Variants in PDE4C observed in about 807,000 individuals in gnomAD.
PDE4C encodes the protein phosphodiesterase 4C, also known as 3',5'-cyclic-AMP phosphodiesterase 4C.
Under a neutral mutation model 63.9 loss-of-function variants are expected in PDE4C, and 50 were observed. The observed-to-expected ratio is 0.78, with a 90% confidence interval of 0.62 to 0.99. The LOEUF (loss-of-function observed/expected upper bound fraction) is 0.99. PDE4C is among the 50% of genes least tolerant of loss of function. The probability of loss-of-function intolerance (pLI) is 0.00; values close to 1 mark genes in which losing one functional copy is unlikely to be tolerated. For missense variants in PDE4C, 777 were observed against 899.1 expected (o/e 0.86, Z 1.74); for synonymous variants, 377 against 385.1 (o/e 0.98, Z 0.25).
At chr19:18,245,571 C>T (rs1969115142) in intron 1 of PDE4C, among the ~76,000 whole-genome samples, 1 of 152,234 alleles carries the variant, frequency 6.6e-6, no homozygotes, top group African/African-American at 2.4e-5. Context: ...TGTTTCCATC[C>T]ATACTTCAGC....
downstream of PDE4C, chr19:18,209,066 A>G (rs2147993128): frequency 6.6e-6 from 1 of 152,252 alleles, no homozygotes; most frequent in East Asian, 1.9e-4. Flanking sequence ...CATAGGTTCA[A>G]TCAGTCTTCA....
At chr19:18,240,436 A>T (rs995162007) in intron 1 of PDE4C, among the ~76,000 whole-genome samples, 67 of 150,164 alleles carry the variant, frequency 4.5e-4, no homozygotes, top group African/African-American at 1.6e-3. Flanking sequence ...AAAAAAAAAA[A>T]AAAAAACGGG....
At chr19:18,227,118 C>T (rs1968755403), upstream of PDE4C, among the ~76,000 whole-genome samples, 1 of 152,126 alleles carries the variant, frequency 6.6e-6, no homozygotes. Context: ...TGCCAATGTC[C>T]GATCCCACGC....
At chr19:18,242,262 GGTCA>G (rs1213518060) in intron 1 of PDE4C, among the ~76,000 whole-genome samples, 1 of 151,858 alleles carries the variant, frequency 6.6e-6, no homozygotes, top group Non-Finnish European at 1.5e-5. Flanking sequence ...GATCACCTGA[GGTCA>G]GTAATTCAAG....
chr19:18,230,598 C>T (rs369004016), upstream of PDE4C, among the ~76,000 whole-genome samples: 93 of 152,294 alleles, frequency 6.1e-4, 1 homozygote, highest in African/African-American at 2.2e-3. Flanking sequence ...TCCTCACATG[C>T]CTGATCCTCT....
chr19:18,251,139 C>A (rs979544968), upstream of PDE4C, among the ~76,000 whole-genome samples: 1 of 148,896 alleles, frequency 6.7e-6, no homozygotes, highest in African/African-American at 2.5e-5. Context: ...TTTTTTTTCC[C>A]CCCCGAGATG....
At chr19:18,239,855 G>A (rs747435534) in intron 1 of PDE4C, among the ~76,000 whole-genome samples, 1 of 151,948 alleles carries the variant, frequency 6.6e-6, no homozygotes, top group Non-Finnish European at 1.5e-5. Flanking sequence ...GCAAAACCCT[G>A]TCTCTACTAA....
upstream of PDE4C, chr19:18,252,493 G>A (rs544797889): frequency 1.3e-5 from 5 of 399,102 alleles, no homozygotes; most frequent in South Asian, 1.3e-4. Flanking sequence ...AACTGGGCGC[G>A]GTGGCTCACG....
chr19:18,222,061 G>A (rs1968504879), intron 2 of PDE4C, 71 bp downstream of exon 2: 4 of 1,344,244 alleles, frequency 3.0e-6, no homozygotes, highest in East Asian at 2.3e-5. Flanking sequence ...ATTTGAAGGA[G>A]CTTGCTGAAT....
Position 18,220,918 on chromosome 19 carries a change from C to G in PDE4C, c.455G>C (p.Gly152Ala), listed in dbSNP as rs138906054. The G allele has an allele frequency of 6.2e-7, 1 of 1,604,778 alleles. No individual in the cohort carries two copies. The highest frequency in any genetic ancestry group is 8.5e-7 in the Non-Finnish European group (1 of 1,176,958). Reference sequence around the variant, plus strand: ...GCTGGATGAAGGGTTTCCGACGGGTCCCTGCCTGCGGTACAGCAGCCTCAG... The same window carrying G: ...GCTGGATGAAGGGTTTCCGACGGGTGCCTGCCTGCGGTACAGCAGCCTCAG... Residue 152 changes from glycine to alanine, a missense_variant, in exon 5 of 15, where the codon GGA becomes GCA. Gly to Ala is a moderately conservative substitution (Grantham distance 60). This residue lies in a region of PDE4C where 249 missense variants were observed against 247.8 expected (regional missense o/e 1.00). Coordinates refer to ENST00000262805, the Ensembl canonical transcript of PDE4C. This position sits in a 1 kb window ranked among gnomAD's most constrained non-coding sequence, Gnocchi z 5.1.
Position 18,211,150 on chromosome 19 carries a change from G to A in PDE4C, c.1822C>T (p.Arg608Ter), listed in dbSNP as rs751972854. Residue 608 changes from arginine (R) to a stop codon, truncating the protein, a stop_gained, in exon 15 of 15, where the codon CGA becomes TGA. Coordinates refer to ENST00000262805, the Ensembl canonical transcript of PDE4C. LOFTEE classifies it low-confidence loss of function (END_TRUNC). ...GGGTTGGTGAGGTCTGAGGGACTTC[G>A]GGGGATCTTGCTCTGGTACCACTCT... 2.0e-5 allele frequency: 32 copies of A among 1,613,994 alleles called. 2 individuals carry two copies. In the South Asian group the frequency reaches 2.6e-4, roughly 13 times the overall value.
chr19:18,221,361 A>C, intron 2 of PDE4C, 64 bp from the exon 3 acceptor site: 9 of 1,480,390 alleles, frequency 6.1e-6, no homozygotes, highest in Non-Finnish European at 8.2e-6. Context: ...CCCACACCAT[A>C]TGCCCTCAAC....
At chr19:18,240,248 C>T (rs778284946) in intron 1 of PDE4C, among the ~76,000 whole-genome samples, 1 of 151,028 alleles carries the variant, frequency 6.6e-6, no homozygotes, top group Non-Finnish European at 1.5e-5. Context: ...CCAGCCTGGG[C>T]ACCCCGTCGC....
chr19:18,222,922 ACTC>A (rs1348415378), intron 1 of PDE4C, among the ~76,000 whole-genome samples: 1 of 149,502 alleles, frequency 6.7e-6, no homozygotes, highest in Non-Finnish European at 1.5e-5. Context: ...CTGGTCTTGA[ACTC>A]CTGGCCTCAA....
rs1296715837 is a variant in PDE4C at position 18,220,537 on chromosome 19, G to C, written c.500-22C>G. On this transcript the variant is annotated intron_variant, in intron 5 of 14. Coordinates refer to ENST00000262805, the Ensembl canonical transcript of PDE4C. The surrounding 1 kb of genome is among the most constrained non-coding windows in gnomAD (Gnocchi z 5.1). ...TCCTCTGGGAGCCGAGGCAGTCAGG[G>C]GCCTGCCCAACCCCCCCGCTCAGGG... 1 of 1,554,064 alleles carries C rather than the reference G, an allele frequency of 6.4e-7. No individual in the cohort carries two copies. The highest frequency in any genetic ancestry group is 1.8e-5 in the Admixed American group (1 of 54,888).
exon 2 of PDE4C, chr19:18,222,147 G>A (rs1968509638): frequency 6.2e-7 from 1 of 1,612,808 alleles, no homozygotes; most frequent in Admixed American, 1.7e-5. Context: ...GCTGGCCACA[G>A]AGGAGTTCCG....
At chr19:18,224,325 G>A (rs1968630286) in intron 1 of PDE4C, 1 of 985,358 alleles carries the variant, frequency 1.0e-6, no homozygotes, top group African/African-American at 1.7e-5. Flanking sequence ...CCGGCCGAGG[G>A]CCAGTGTCCG....
intron 12 of PDE4C, among the ~76,000 whole-genome samples, chr19:18,216,286 T>TCTCA (rs1968193307): frequency 7.0e-6 from 1 of 142,180 alleles, no homozygotes; most frequent in East Asian, 2.1e-4. Context: ...TGAGATGGAG[T>TCTCA]CTCACTCTGT....
chr19:18,220,513 CCT>C lies in PDE4C; in HGVS notation c.500_501del (p.Glu167GlyfsTer82). 2 of 1,611,146 alleles carry C rather than the reference CCT, an allele frequency of 1.2e-6. No individual in the cohort carries two copies. Among genetic ancestry groups the C allele is most frequent in the Non-Finnish European group, 1.7e-6 (2 of 1,178,912 alleles). Reference sequence around the variant, plus strand: ...TCCAATGCCAGCTTCTGCCCCGTGTCCTCTGGGAGCCGAGGCAGTCAGGGGCC... The same window carrying C: ...TCCAATGCCAGCTTCTGCCCCGTGTCCTGGGAGCCGAGGCAGTCAGGGGCC... On this transcript the variant is annotated frameshift_variant and splice_region_variant, in exon 6 of 15. Coordinates refer to ENST00000262805, the Ensembl canonical transcript of PDE4C. LOFTEE classifies it high-confidence loss of function. This position sits in a 1 kb window ranked among gnomAD's most constrained non-coding sequence, Gnocchi z 5.1.
Sources: allele counts gnomAD v4.1 joint callset (sites outside exome capture counted in the v4.1 genomes callset), GRCh38; gene constraint gnomAD v4.1.1; regional missense constraint gnomAD v4.1.1; non-coding constraint Gnocchi (gnomAD v3.1); transcripts MANE v1.5; gene names NCBI Gene and HGNC (gene_info 2026-07-23, HGNC 2026-07-21).